Variants in DPP6 observed in about 807,000 individuals in gnomAD.
DPP6 encodes dipeptidyl peptidase like 6.
Under a neutral mutation model 122.6 loss-of-function variants are expected in DPP6, and 69 were observed. That is an observed-to-expected ratio of 0.56 (90% CI 0.46 to 0.69). The LOEUF (loss-of-function observed/expected upper bound fraction) is 0.69, where lower values mean the gene tolerates loss of function less well. Ranked by LOEUF, DPP6 falls within the 30% of genes least tolerant of loss-of-function variation. The pLI, the probability that DPP6 is intolerant of heterozygous loss-of-function variation, is 0.00. For synonymous variants in DPP6, 418 were observed against 433.1 expected, an observed-to-expected ratio of 0.97 and a Z score of 0.43; for missense variants, 928 against 1,116.9, an observed-to-expected ratio of 0.83 and a Z score of 2.41.
intron 1 of DPP6, among the ~76,000 whole-genome samples, chr7:154,445,201 T>G (rs1819754271): frequency 6.6e-6 from 1 of 152,218 alleles, no homozygotes; most frequent in African/African-American, 2.4e-5. Flanking sequence ...TTGGCTTGGT[T>G]ACTAAGTTGC....
chr7:154,073,310 A>G (rs563205961), intron 1 of DPP6, among the ~76,000 whole-genome samples: 1 of 152,140 alleles, frequency 6.6e-6, no homozygotes, highest in Admixed American at 6.5e-5. Context: ...TCTGTTTAGG[A>G]TGCCCTTTAG....
chr7:154,651,460 C>T (rs920494794), intron 6 of DPP6, among the ~76,000 whole-genome samples: 3 of 152,086 alleles, frequency 2.0e-5, no homozygotes, highest in African/African-American at 4.8e-5. Flanking sequence ...CACCCTACCT[C>T]GATGAGATCT....
intron 2 of DPP6, among the ~76,000 whole-genome samples, chr7:154,449,071 G>C (rs1418997209): frequency 6.6e-6 from 1 of 151,976 alleles, no homozygotes; most frequent in African/African-American, 2.4e-5. Context: ...TAGATAAATT[G>C]GACTTCATCA....
intron 7 of DPP6, among the ~76,000 whole-genome samples, chr7:154,678,305 C>T (rs1241396119): frequency 2.0e-5 from 3 of 152,244 alleles, no homozygotes; most frequent in African/African-American, 7.2e-5. Flanking sequence ...CACAATAAAT[C>T]TTGCTGCTGC....
chr7:154,767,555 T>C (rs962606029), intron 8 of DPP6, among the ~76,000 whole-genome samples: 2 of 152,074 alleles, frequency 1.3e-5, no homozygotes, highest in Admixed American at 6.6e-5. Context: ...TTCCTTCCTT[T>C]GTCTTCTCCT....
chr7:153,840,497 A>C, the DPP6 span, among the ~76,000 whole-genome samples: 1 of 152,082 alleles, frequency 6.6e-6, no homozygotes, highest in African/African-American at 2.4e-5. Flanking sequence ...TTAAAAAAAA[A>C]ACTGCTCTGG....
intron 5 of DPP6, among the ~76,000 whole-genome samples, chr7:154,583,268 G>A (rs1029587601): frequency 2.0e-5 from 3 of 152,232 alleles, no homozygotes; most frequent in East Asian, 1.9e-4. Flanking sequence ...CCAGCAGGTC[G>A]GTTTCTGGTG....
intron 25 of DPP6, among the ~76,000 whole-genome samples, chr7:154,892,027 C>T (rs1450608237): frequency 6.6e-6 from 1 of 152,168 alleles, no homozygotes; most frequent in Non-Finnish European, 1.5e-5. Context: ...TCCCACTGAG[C>T]ATTTGCTGTG....
chr7:154,486,450 C>T lies in DPP6; in HGVS notation c.457+11413C>T, dbSNP rs1823806469. On this transcript the variant is annotated intron_variant, in intron 3 of 25. Coordinates refer to ENST00000377770, the MANE Select transcript of DPP6 (RefSeq NM_130797.4). This position sits in a 1 kb window ranked among gnomAD's most constrained non-coding sequence, Gnocchi z 4.5. ...CCCGGCCACTCATGGCCTCTATTAC[C>T]ACGTTCCTGGCCATATTAGGTTCTT... Among the ~76,000 whole-genome samples, 1 of 152,156 alleles carries T rather than the reference C, an allele frequency of 6.6e-6. No individual in the cohort carries two copies. Among genetic ancestry groups the T allele is most frequent in the Admixed American group, 6.6e-5 (1 of 15,266 alleles).
chr7:154,826,919 C>T (rs189231673), intron 16 of DPP6, among the ~76,000 whole-genome samples: 48 of 152,188 alleles, frequency 3.2e-4, no homozygotes, highest in Non-Finnish European at 4.6e-4. Flanking sequence ...GAATGATACA[C>T]CACTTTAAAC....
intron 1 of DPP6, among the ~76,000 whole-genome samples, chr7:154,356,270 T>C (rs1811259621): frequency 6.6e-6 from 1 of 152,374 alleles, no homozygotes; most frequent in Non-Finnish European, 1.5e-5. Context: ...TATACAGTTT[T>C]GTAATTTTAT....
intron 1 of DPP6, among the ~76,000 whole-genome samples, chr7:153,929,027 A>G (rs1801053260): frequency 6.6e-6 from 1 of 152,162 alleles, no homozygotes; most frequent in African/African-American, 2.4e-5. Flanking sequence ...ACCTTACAGC[A>G]TCCTACATAC....
chr7:153,874,716 A>G, the DPP6 span, among the ~76,000 whole-genome samples: 1 of 152,240 alleles, frequency 6.6e-6, no homozygotes, highest in African/African-American at 2.4e-5. Flanking sequence ...ACCATTTAAA[A>G]TCAAATGGGC....
chr7:153,974,090 C>T (rs1177519529), intron 1 of DPP6, among the ~76,000 whole-genome samples: 19 of 152,180 alleles, frequency 1.2e-4, no homozygotes, highest in Non-Finnish European at 1.9e-4. Flanking sequence ...GGAGCCTGAC[C>T]GTCTTAAAAA....
At chr7:154,251,396 A>G (rs1802341906) in intron 1 of DPP6, among the ~76,000 whole-genome samples, 1 of 152,260 alleles carries the variant, frequency 6.6e-6, no homozygotes. Context: ...AGACAGAGTC[A>G]ACAAGGCTGT....
intron 10 of DPP6, among the ~76,000 whole-genome samples, chr7:154,789,202 T>C (rs1026138373): frequency 6.6e-6 from 1 of 152,246 alleles, no homozygotes; most frequent in Non-Finnish European, 1.5e-5. Context: ...GTCTAACCCA[T>C]GTGCATCTGG....
At chr7:154,381,788 C>T (rs867871062) in intron 1 of DPP6, among the ~76,000 whole-genome samples, 19 of 152,108 alleles carry the variant, frequency 1.2e-4, no homozygotes, top group African/African-American at 4.6e-4. Flanking sequence ...TGTGTATTTC[C>T]ATTTATCTTT....
At chr7:154,255,101 G>T (rs906216860) in intron 1 of DPP6, among the ~76,000 whole-genome samples, 1 of 152,128 alleles carries the variant, frequency 6.6e-6, no homozygotes, top group Non-Finnish European at 1.5e-5. Flanking sequence ...ATGAATAAAG[G>T]CATGTGCCAG....
At chr7:154,510,543 C>CA (rs370100457) in intron 3 of DPP6, among the ~76,000 whole-genome samples, 6 of 151,876 alleles carry the variant, frequency 4.0e-5, no homozygotes, top group African/African-American at 1.2e-4. Context: ...ATTAAAAATA[C>CA]AAAAAATTAG....
Sources: allele counts gnomAD v4.1 joint callset (sites outside exome capture counted in the v4.1 genomes callset), GRCh38; gene constraint gnomAD v4.1.1; non-coding constraint Gnocchi (gnomAD v3.1); transcripts MANE v1.5; gene names NCBI Gene and HGNC (gene_info 2026-07-23, HGNC 2026-07-21).